Variants in TMEM17 observed in about 807,000 individuals in gnomAD.
The protein encoded by TMEM17 is transmembrane protein 17.
Under a neutral mutation model 19.1 loss-of-function variants are expected in TMEM17, and 15 were observed. The ratio of observed to expected loss-of-function variants is 0.78; its 90% CI spans 0.52 to 1.21. The LOEUF is 1.21. Among genes scored for constraint, TMEM17 ranks in the 50% most tolerant of loss-of-function variants. TMEM17 has a pLI of 0.00. For missense variants in TMEM17, 245 were observed against 242.3 expected, an observed-to-expected ratio of 1.01 and a Z score of -0.07; for synonymous variants, 103 against 86.9, an observed-to-expected ratio of 1.19 and a Z score of -1.03.
At chr2:62,485,195 C>A in the TMEM17 span, among the ~76,000 whole-genome samples, 1 of 152,226 alleles carries the variant, frequency 6.6e-6, no homozygotes, top group African/African-American at 2.4e-5. Context: ...CTGCCTTGGC[C>A]TCCCAAAGTG....
In TMEM17 at chr2:62,505,096, A is replaced by C. The variant is rs71422352; in HGVS notation, c.100+934T>G. ...CATTTGGGAAATAGGCAAGTGATCAAGGTGACAAAATGCAGCTTTGGGAAC... is the reference window on the plus strand; with the variant it reads ...CATTTGGGAAATAGGCAAGTGATCACGGTGACAAAATGCAGCTTTGGGAAC... On this transcript the variant is annotated intron_variant, in intron 1 of 3. Transcript: ENST00000335390. 5.3e-3 allele frequency among the ~76,000 whole-genome samples: 806 copies of C among 152,298 alleles called. 5 individuals carry two copies. The highest frequency in any genetic ancestry group is 9.0e-3 in the Non-Finnish European group (614 of 68,020).
chr2:62,456,359 C>T, the TMEM17 span, among the ~76,000 whole-genome samples: 1 of 152,222 alleles, frequency 6.6e-6, no homozygotes, highest in Admixed American at 6.5e-5. Flanking sequence ...GGCTCTTGGC[C>T]TCTTACCCAT....
the TMEM17 span, among the ~76,000 whole-genome samples, chr2:62,464,359 A>G: frequency 1.3e-5 from 2 of 152,368 alleles, no homozygotes; most frequent in South Asian, 4.1e-4. Flanking sequence ...CGGCAGTTCC[A>G]GCACTCGTGC....
At chr2:62,478,816 C>G in the TMEM17 span, among the ~76,000 whole-genome samples, 1 of 152,076 alleles carries the variant, frequency 6.6e-6, no homozygotes, top group Non-Finnish European at 1.5e-5. Context: ...TTTACCGTAA[C>G]TATTAGCTCT....
chr2:62,461,202 G>T, the TMEM17 span, among the ~76,000 whole-genome samples: 3 of 152,228 alleles, frequency 2.0e-5, no homozygotes, highest in African/African-American at 7.2e-5. Context: ...TTAGGGTTCA[G>T]GTCCTGAACT....
the TMEM17 span, among the ~76,000 whole-genome samples, chr2:62,469,551 C>T: frequency 6.6e-6 from 1 of 152,200 alleles, no homozygotes; most frequent in Non-Finnish European, 1.5e-5. Flanking sequence ...AGAGCTCTTT[C>T]CAAGGAATTT....
chr2:62,505,907 C>T (rs1484148417), intron 1 of TMEM17, 123 bp downstream of exon 1: 4 of 979,380 alleles, frequency 4.1e-6, no homozygotes, highest in Non-Finnish European at 6.2e-6. Context: ...CGCTCTCCCG[C>T]ACTGCGGAGA....
At chr2:62,495,964 TCTCA>T (rs1433346967), downstream of TMEM17, among the ~76,000 whole-genome samples, 1 of 152,214 alleles carries the variant, frequency 6.6e-6, no homozygotes, top group Non-Finnish European at 1.5e-5. Context: ...TTGTGTCACA[TCTCA>T]CTGTCTGTTG....
Position 62,500,912 on chromosome 2 carries a change from A to G in TMEM17, c.*297T>C. On this transcript the variant is annotated 3_prime_UTR_variant, in exon 4 of 4. Transcript: ENST00000335390. ...AAAGATTCTAACCAGAAATGCTACG[A>G]GAGAGCTGGCAAATGACAACCACCA... 3.8e-6 allele frequency: 1 copy of G among 260,326 alleles called. No homozygotes were observed. Among genetic ancestry groups the G allele is most frequent in the East Asian group, 7.4e-5 (1 of 13,552 alleles). 16.1% of individuals were successfully genotyped at this position (260,326 alleles called of 1,614,324 possible).
chr2:62,488,606 A>G, the TMEM17 span, among the ~76,000 whole-genome samples: 1 of 152,008 alleles, frequency 6.6e-6, no homozygotes, highest in Non-Finnish European at 1.5e-5. Context: ...TATAGGACCC[A>G]ACTATGTGGT....
At chr2:62,487,657 T>C in the TMEM17 span, among the ~76,000 whole-genome samples, 67 of 152,306 alleles carry the variant, frequency 4.4e-4, no homozygotes, top group Admixed American at 8.5e-4. Flanking sequence ...TCAAAAAAAT[T>C]AAAATAAAAA....
At chr2:62,499,084 C>A (rs969449819), downstream of TMEM17, among the ~76,000 whole-genome samples, 1 of 152,108 alleles carries the variant, frequency 6.6e-6, no homozygotes, top group Non-Finnish European at 1.5e-5. Context: ...AATTTACTAT[C>A]TTTTTTCCCC....
the TMEM17 span, among the ~76,000 whole-genome samples, chr2:62,471,381 G>GGGGT: frequency 6.6e-6 from 1 of 152,112 alleles, no homozygotes; most frequent in Non-Finnish European, 1.5e-5. Flanking sequence ...ATTAACAATA[G>GGGGT]CCAAGCCAAG....
chr2:62,467,653 TC>T, the TMEM17 span, among the ~76,000 whole-genome samples: 1 of 152,200 alleles, frequency 6.6e-6, no homozygotes, highest in Non-Finnish European at 1.5e-5. Context: ...AAACTGCGTG[TC>T]CCTTTGGTTG....
At chr2:62,454,763 G>C in the TMEM17 span, among the ~76,000 whole-genome samples, 1 of 152,216 alleles carries the variant, frequency 6.6e-6, no homozygotes, top group East Asian at 1.9e-4. Flanking sequence ...GAGTGCAGTG[G>C]CACGATCTCA....
chr2:62,503,401 C>A (rs1029118637), intron 1 of TMEM17, among the ~76,000 whole-genome samples: 4 of 152,136 alleles, frequency 2.6e-5, no homozygotes, highest in Non-Finnish European at 5.9e-5. Flanking sequence ...GAAGTGCTAG[C>A]AAAGAACCAC....
At chr2:62,493,915 A>C in the TMEM17 span, among the ~76,000 whole-genome samples, 1 of 152,118 alleles carries the variant, frequency 6.6e-6, no homozygotes, top group African/African-American at 2.4e-5. Context: ...ATGACACAAA[A>C]CTACTTTTGG....
chr2:62,491,038 C>T, the TMEM17 span: 1 of 129,030 alleles, frequency 7.8e-6, no homozygotes, highest in Non-Finnish European at 1.6e-5. Context: ...GAGATGGCGC[C>T]ACTGCACTCC....
rs774095368 is a variant in TMEM17 at position 62,502,796 on chromosome 2, T to C, written c.101-2A>G. Reference sequence around the variant, plus strand: ...CCAAACTGGAGACCATTTCATTTTCTACAGAAGGAACAGAAAAGGAACAAA... The same window carrying C: ...CCAAACTGGAGACCATTTCATTTTCCACAGAAGGAACAGAAAAGGAACAAA... On this transcript the variant is annotated splice_acceptor_variant, in intron 1 of 3. Transcript: ENST00000335390. LOFTEE classifies it high-confidence loss of function. 1 of 1,581,152 alleles carries C rather than the reference T, an allele frequency of 6.3e-7. No homozygotes were observed. The highest frequency in any genetic ancestry group is 1.1e-5 in the South Asian group (1 of 87,020).
Sources: gnomAD v4.1 joint callset for allele counts (sites outside exome capture counted in the v4.1 genomes callset) on GRCh38, gnomAD v4.1.1 for gene constraint, MANE v1.5 for transcripts, NCBI Gene and HGNC (gene_info 2026-07-23, HGNC 2026-07-21) for gene names.